OR14I1: variants seen among roughly 807,000 people sequenced by gnomAD.
OR14I1 encodes the protein olfactory receptor family 14 subfamily I member 1.
For synonymous variants in OR14I1, 118 were observed against 71.1 expected (o/e 1.66, Z -3.32); for missense variants, 279 against 181.8 (o/e 1.53, Z -3.07).
the OR14I1 span, among the ~76,000 whole-genome samples, chr1:248,689,660 CT>C: frequency 6.6e-6 from 1 of 152,088 alleles, no homozygotes; most frequent in Non-Finnish European, 1.5e-5. Context: ...AAAAGAAAAA[CT>C]TTACCAATGA....
At chr1:248,681,536 C>G (rs772271503) in exon 1 of OR14I1, 1 of 780,890 alleles carries the variant, frequency 1.3e-6, no homozygotes, top group African/African-American at 1.7e-5. Context: ...GGTCCTAAGG[C>G]AGCAAAGAGC....
chr1:248,701,312 C>T, the OR14I1 span, among the ~76,000 whole-genome samples: 1,396 of 152,152 alleles, frequency 9.2e-3, 28 homozygotes, highest in African/African-American at 0.032. Flanking sequence ...CCACCACATC[C>T]GGCTAATTTT....
the OR14I1 span, chr1:248,692,507 A>G: frequency 6.6e-6 from 1 of 152,632 alleles, no homozygotes; most frequent in African/African-American, 2.4e-5. Context: ...ACCCCAGTCC[A>G]GCCTTTATTC....
At chr1:248,693,537 T>A in the OR14I1 span, among the ~76,000 whole-genome samples, 1 of 152,234 alleles carries the variant, frequency 6.6e-6, no homozygotes, top group Admixed American at 6.5e-5. Context: ...TTACATAAAA[T>A]TAGTTTTTTC....
chr1:248,678,816 G>A (rs550191792), downstream of OR14I1, among the ~76,000 whole-genome samples: 1 of 151,816 alleles, frequency 6.6e-6, no homozygotes, highest in East Asian at 1.9e-4. Context: ...GTTTGGGAAA[G>A]AAGATAACAG....
chr1:248,701,281 A>T, the OR14I1 span, among the ~76,000 whole-genome samples: 1 of 152,062 alleles, frequency 6.6e-6, no homozygotes, highest in Non-Finnish European at 1.5e-5. Context: ...CCTCCCAAGT[A>T]GCTGGGATTA....
At chr1:248,683,296 T>C (rs1469212061), upstream of OR14I1, among the ~76,000 whole-genome samples, 1 of 152,242 alleles carries the variant, frequency 6.6e-6, no homozygotes, top group Non-Finnish European at 1.5e-5. Flanking sequence ...TTTGTTTATT[T>C]TCACTGGTAT....
chr1:248,693,894 CTT>C, the OR14I1 span, among the ~76,000 whole-genome samples: 5 of 142,488 alleles, frequency 3.5e-5, no homozygotes, highest in African/African-American at 1.3e-4. Context: ...AAGTCCAGAA[CTT>C]TTTAAAAAAA....
At chr1:248,700,450 T>C in the OR14I1 span, among the ~76,000 whole-genome samples, 1 of 152,228 alleles carries the variant, frequency 6.6e-6, no homozygotes, top group African/African-American at 2.4e-5. Flanking sequence ...CTAACCAAAT[T>C]AATGGCTTTT....
chr1:248,681,320 C>CT, downstream of OR14I1: 1 of 613,184 alleles, frequency 1.6e-6, no homozygotes, highest in South Asian at 2.3e-5. Flanking sequence ...AGTATTTATG[C>CT]TTTTTTGGGG....
At chr1:248,696,707 C>T in the OR14I1 span, among the ~76,000 whole-genome samples, 7 of 152,192 alleles carry the variant, frequency 4.6e-5, no homozygotes, top group East Asian at 1.9e-4. Context: ...TGACCAACCC[C>T]GTGAATTATC....
At chr1:248,689,583 T>G in the OR14I1 span, among the ~76,000 whole-genome samples, 9 of 152,162 alleles carry the variant, frequency 5.9e-5, no homozygotes, top group African/African-American at 2.2e-4. Context: ...GTATCTACAC[T>G]TGGGCATTCC....
At chr1:248,686,395 G>A (rs1391798776), upstream of OR14I1, among the ~76,000 whole-genome samples, 1 of 152,122 alleles carries the variant, frequency 6.6e-6, no homozygotes, top group African/African-American at 2.4e-5. Context: ...AGTTTTCTCT[G>A]AGTGGCCTGA....
chr1:248,693,416 C>T, the OR14I1 span, among the ~76,000 whole-genome samples: 3 of 152,208 alleles, frequency 2.0e-5, no homozygotes, highest in African/African-American at 7.2e-5. Flanking sequence ...GTCCTTTCCC[C>T]CTGCCCCATA....
At chr1:248,690,600 C>CAAAAA in the OR14I1 span, among the ~76,000 whole-genome samples, 36 of 51,512 alleles carry the variant, frequency 7.0e-4, no homozygotes, top group South Asian at 1.1e-3. Flanking sequence ...GTCTACCAAC[C>CAAAAA]AAAAAAAAAA....
At chr1:248,681,283 C>T (rs886372939), downstream of OR14I1, 5 of 564,086 alleles carry the variant, frequency 8.9e-6, no homozygotes, top group African/African-American at 1.9e-5. Context: ...ATTTCATCAA[C>T]AATTTTTTCA....
At chr1:248,697,978 C>G in the OR14I1 span, among the ~76,000 whole-genome samples, 35 of 152,282 alleles carry the variant, frequency 2.3e-4, no homozygotes, top group Non-Finnish European at 3.5e-4. Context: ...TAATTGAAGA[C>G]ATTTAAATGA....
chr1:248,691,050 T>C, the OR14I1 span, among the ~76,000 whole-genome samples: 2 of 152,222 alleles, frequency 1.3e-5, no homozygotes, highest in Non-Finnish European at 2.9e-5. Context: ...TAATATTTCA[T>C]CTTAGGTAGA....
At chr1:248,683,451 G>T (rs1355733025), upstream of OR14I1, among the ~76,000 whole-genome samples, 2 of 152,030 alleles carry the variant, frequency 1.3e-5, no homozygotes, top group Non-Finnish European at 2.9e-5. Context: ...TTAAAATCAG[G>T]TTACTGATCA....
Sources: gnomAD v4.1 joint callset for allele counts (sites outside exome capture counted in the v4.1 genomes callset) on GRCh38, gnomAD v4.1.1 for gene constraint, MANE v1.5 for transcripts, NCBI Gene and HGNC (gene_info 2026-07-23, HGNC 2026-07-21) for gene names.